Variants in SH3GL1 observed in about 807,000 individuals in gnomAD.
SH3GL1 encodes the protein SH3 domain containing GRB2 like 1, endophilin A2.
SH3GL1 carries 21 observed loss-of-function variants against 48.8 expected under a neutral mutation model. The ratio of observed to expected loss-of-function variants is 0.43; its 90% CI spans 0.30 to 0.62. The LOEUF (loss-of-function observed/expected upper bound fraction) is 0.62, where lower values mean the gene tolerates loss of function less well. SH3GL1 is among the 20% of genes least tolerant of loss of function. The pLI, the probability that SH3GL1 is intolerant of heterozygous loss-of-function variation, is 0.11. For synonymous variants in SH3GL1, 282 were observed against 217.5 expected, an observed-to-expected ratio of 1.30 and a Z score of -2.61; for missense variants, 454 against 503.0, an observed-to-expected ratio of 0.90 and a Z score of 0.93.
chr19:4,398,647 C>T (rs1184502370), intron 1 of SH3GL1, among the ~76,000 whole-genome samples: 1 of 151,962 alleles, frequency 6.6e-6, no homozygotes, highest in Admixed American at 6.6e-5. Context: ...TGCTGGGATT[C>T]CAGGCATGAG....
In SH3GL1 at chr19:4,384,730, C is replaced by T. The variant is rs772615391; in HGVS notation, c.45+15594G>A. Among the ~76,000 whole-genome samples, 13 of 152,194 alleles carry T rather than the reference C, an allele frequency of 8.5e-5. 1 individual carries two copies. Among genetic ancestry groups the T allele is most frequent in the African/African-American group, 1.9e-4 (8 of 41,454 alleles). The stretch of plus-strand genomic sequence containing the variant: ...GGATAGACACACTGTGGAATAACCA[C>T]GAGGGAAAGCCACGCAGCTGCGGAT... On this transcript the variant is annotated intron_variant, in intron 1 of 9. Transcript: ENST00000269886.
intron 1 of SH3GL1, among the ~76,000 whole-genome samples, chr19:4,369,080 GAAGA>G (rs974678346): frequency 1.3e-5 from 2 of 151,520 alleles, no homozygotes; most frequent in African/African-American, 4.9e-5. Context: ...TCAAAAGAAA[GAAGA>G]AAGAAAAAAA....
intron 1 of SH3GL1, among the ~76,000 whole-genome samples, chr19:4,382,954 T>C (rs960208704): frequency 6.6e-5 from 10 of 152,198 alleles, no homozygotes; most frequent in South Asian, 4.1e-4. Context: ...AGTCTCACTC[T>C]GTCGCCCAGG....
At position 4,400,402 on chromosome 19, in the gene SH3GL1, C is replaced by A; in HGVS notation, c.-34G>T. On this transcript the variant is annotated 5_prime_UTR_variant, in exon 1 of 10. Coordinates refer to ENST00000269886, the MANE Select transcript of SH3GL1 (RefSeq NM_003025.4). The surrounding 1 kb of genome is among the most constrained non-coding windows in gnomAD (Gnocchi z 4.1). ...CCGCCGCCGAGCCTCCCGCCCGGAC[C>A]GCGCCAGCGACAGGCTCCCGGGCGC... 1.9e-6 allele frequency: 3 copies of A among 1,563,606 alleles called. No homozygotes were observed. Among genetic ancestry groups the A allele is most frequent in the Non-Finnish European group, 2.6e-6 (3 of 1,160,760 alleles).
chr19:4,376,868 G>A lies in SH3GL1; in HGVS notation c.46-9874C>T, dbSNP rs147281142. On this transcript the variant is annotated intron_variant, in intron 1 of 9. Transcript: ENST00000269886. The surrounding 1 kb of genome is among the most constrained non-coding windows in gnomAD (Gnocchi z 4.3). Reference sequence around the variant, plus strand: ...TCAGACACAGGAAGCACTCTCCAATGCTTAGCGCCCTAGAATAAAGGACCC... The same window carrying A: ...TCAGACACAGGAAGCACTCTCCAATACTTAGCGCCCTAGAATAAAGGACCC... Among the ~76,000 whole-genome samples, 465 of 152,280 alleles carry A rather than the reference G, an allele frequency of 3.1e-3. 2 individuals carry two copies. Among genetic ancestry groups the A allele is most frequent in the Non-Finnish European group, 5.5e-3 (375 of 68,032 alleles).
chr19:4,376,474 G>A lies in SH3GL1; in HGVS notation c.46-9480C>T, dbSNP rs543608435. ...TGCTTGCCTCTCCCGTGTCCTATCC[G>A]CCCAGACCTCAGACCTCAGAGAAGC... is the stretch of plus-strand genomic sequence containing the variant. On this transcript the variant is annotated intron_variant, in intron 1 of 9. Coordinates refer to ENST00000269886, the MANE Select transcript of SH3GL1 (RefSeq NM_003025.4). This position sits in a 1 kb window ranked among gnomAD's most constrained non-coding sequence, Gnocchi z 4.3. Among the ~76,000 whole-genome samples the A allele has an allele frequency of 2.6e-5, 4 of 152,138 alleles. No individual in the cohort carries two copies. The East Asian group carries it at 7.7e-4, about 29-fold the overall frequency.
chr19:4,378,407 T>G (rs778356468), intron 1 of SH3GL1, among the ~76,000 whole-genome samples: 1 of 151,982 alleles, frequency 6.6e-6, no homozygotes, highest in African/African-American at 2.4e-5. Context: ...CAGGCGTGGA[T>G]GTGCTTTAGA....
intron 1 of SH3GL1, among the ~76,000 whole-genome samples, chr19:4,382,696 CA>C (rs1973160077): frequency 6.6e-6 from 1 of 152,138 alleles, no homozygotes; most frequent in African/African-American, 2.4e-5. Flanking sequence ...GTCACAGTTC[CA>C]GGGGTGGAGG....
rs374770483 is a variant in SH3GL1 at position 4,361,805 on chromosome 19, G to C, written c.911-9C>G. The C allele has an allele frequency of 1.9e-6, 3 of 1,598,720 alleles. No homozygotes were observed. The African/African-American group carries it at 4.0e-5, about 21-fold the overall frequency. On this transcript the variant is annotated splice_polypyrimidine_tract_variant and intron_variant, in intron 9 of 9. Coordinates refer to ENST00000269886, the MANE Select transcript of SH3GL1 (RefSeq NM_003025.4). ...CGGCTGGTCCAGGGGCGCTGGGGGCGGGAGCGGGCTGTGGGGCTGGGGCTG... is the reference window on the plus strand; with the variant it reads ...CGGCTGGTCCAGGGGCGCTGGGGGCCGGAGCGGGCTGTGGGGCTGGGGCTG...
At chr19:4,373,295 G>A (rs1387531049) in intron 1 of SH3GL1, among the ~76,000 whole-genome samples, 1 of 152,222 alleles carries the variant, frequency 6.6e-6, no homozygotes, top group African/African-American at 2.4e-5. Flanking sequence ...CCCACTGTGT[G>A]TGATGCACGG....
chr19:4,366,662 A>G, intron 2 of SH3GL1, 89 bp from the exon 3 acceptor site: 1 of 1,275,822 alleles, frequency 7.8e-7, no homozygotes, highest in Non-Finnish European at 1.1e-6. Flanking sequence ...TCCTGCCCTA[A>G]GAGCCCATAC....
rs890161439 is a variant in SH3GL1, at chr19:4,389,869, T to C, written c.45+10455A>G. Among the ~76,000 whole-genome samples, 1 of 152,188 alleles carries C rather than the reference T, an allele frequency of 6.6e-6. No individual in the cohort carries two copies. The highest frequency in any genetic ancestry group is 2.4e-5 in the African/African-American group (1 of 41,442). On this transcript the variant is annotated intron_variant, in intron 1 of 9. Transcript: ENST00000269886. The surrounding 1 kb of genome is among the most constrained non-coding windows in gnomAD (Gnocchi z 4.5). ...ATTGGCATGAAACCATGTGGGGAGC[T>C]GTCCACTTGGGGGCCAGGGCAGAGG... is the stretch of plus-strand genomic sequence containing the variant.
chr19:4,366,350 G>A (rs1320792432), intron 3 of SH3GL1, 151 bp downstream of exon 3: 4 of 646,262 alleles, frequency 6.2e-6, no homozygotes. Flanking sequence ...AAGGCAGCAT[G>A]CAGCACCAAG....
rs775262968 is a variant in SH3GL1, at chr19:4,362,664, C to T, written c.801G>A (p.Glu267=). Residue 267 remains glutamate, a synonymous_variant, in exon 8 of 10, where the codon GAG becomes GAA. Coordinates refer to ENST00000269886, the MANE Select transcript of SH3GL1 (RefSeq NM_003025.4). ...GGAAGCCCCCGTTGGACTGCTCAGG[C>T]TCTCCAAGGTCAAAGGGCTCCCGGG... The part of the protein sequence containing the change: ...PKPREPFDLG[E]PEQSNGGFPC... 5 of 1,613,958 alleles carry T rather than the reference C, an allele frequency of 3.1e-6. No individual in the cohort carries two copies. The Admixed American group carries it at 8.3e-5, about 27-fold the overall frequency.
At chr19:4,362,257 G>C (rs376859328) in intron 9 of SH3GL1, 72 bp downstream of exon 9, 147 of 1,443,890 alleles carry the variant, frequency 1.0e-4, no homozygotes, top group Non-Finnish European at 1.3e-4. Flanking sequence ...AGAACAGGGC[G>C]GGAGGAGAAA....
chr19:4,386,831 C>T (rs1236798159), intron 1 of SH3GL1, among the ~76,000 whole-genome samples: 2 of 152,196 alleles, frequency 1.3e-5, no homozygotes, highest in African/African-American at 2.4e-5. Flanking sequence ...GAAAAGGCAA[C>T]GTGCCTTCCG....
At position 4,376,316 on chromosome 19, in the gene SH3GL1, G is replaced by A. The variant is rs535142850; in HGVS notation, c.46-9322C>T. Among the ~76,000 whole-genome samples, 4 of 152,346 alleles carry A rather than the reference G, an allele frequency of 2.6e-5. No homozygotes were observed. In the East Asian group the frequency reaches 5.8e-4, roughly 22 times the overall value. On this transcript the variant is annotated intron_variant, in intron 1 of 9. Transcript: ENST00000269886. The surrounding 1 kb of genome is among the most constrained non-coding windows in gnomAD (Gnocchi z 4.3). ...TGTGCAGCTGTGCCAGGTGGGCAGA[G>A]GAGACAGGTGAAGGCACATTCCTCA...
chr19:4,367,079 C>T lies in SH3GL1; in HGVS notation c.46-85G>A, dbSNP rs962524735. ...GAGGCCCTGAGCCGCCTTCCAGCCA[C>T]ATCGCATCCACAGCTGGAGGCAGGA... On this transcript the variant is annotated intron_variant, in intron 1 of 9. Transcript: ENST00000269886. The surrounding 1 kb of genome is among the most constrained non-coding windows in gnomAD (Gnocchi z 4.2). The T allele has an allele frequency of 3.3e-6, 4 of 1,226,888 alleles. No homozygotes were observed. The highest frequency in any genetic ancestry group is 4.8e-6 in the Non-Finnish European group (4 of 828,642). The allele number at this position is 1,226,888 out of a possible 1,614,324, so 76.0% of individuals were successfully genotyped here.
chr19:4,364,030 G>A (rs1972702336), intron 5 of SH3GL1, 58 bp downstream of exon 5: 2 of 1,609,042 alleles, frequency 1.2e-6, no homozygotes, highest in Admixed American at 1.7e-5. Flanking sequence ...GGCAGGAATG[G>A]GGCTGCCCCA....
Sources: allele counts gnomAD v4.1 joint callset (sites outside exome capture counted in the v4.1 genomes callset), GRCh38; gene constraint gnomAD v4.1.1; non-coding constraint Gnocchi (gnomAD v3.1); transcripts MANE v1.5; gene names NCBI Gene and HGNC (gene_info 2026-07-23, HGNC 2026-07-21).